Variants in ZMIZ2 observed in about 807,000 individuals in gnomAD.
ZMIZ2 encodes zinc finger MIZ domain-containing protein 2.
ZMIZ2 carries 26 observed loss-of-function variants against 93.9 expected under a neutral mutation model. The ratio of observed to expected loss-of-function variants is 0.28; its 90% CI spans 0.20 to 0.38. The LOEUF is 0.38. Among genes scored for constraint, ZMIZ2 ranks in the 10% least tolerant of loss-of-function variants. The pLI is 1.00. For synonymous variants in ZMIZ2, 485 were observed against 516.4 expected (o/e 0.94, Z 0.82); for missense variants, 1,023 against 1,235.0 (o/e 0.83, Z 2.57).
chr7:44,758,204 G>A (rs929538608), intron 6 of ZMIZ2, 96 bp downstream of exon 6: 1 of 1,421,748 alleles, frequency 7.0e-7, no homozygotes. Context: ...TTCTGGCTGG[G>A]CATGGTGGCT....
Position 44,759,438 on chromosome 7 carries a change from G to C in ZMIZ2, c.971G>C (p.Gly324Ala), listed in dbSNP as rs992110324. 1.3e-6 allele frequency: 2 copies of C among 1,572,724 alleles called. No individual in the cohort carries two copies. Among genetic ancestry groups the C allele is most frequent in the Middle Eastern group, 1.7e-4 (1 of 5,910 alleles). Residue 324 changes from glycine to alanine, a missense_variant, in exon 7 of 19, where the codon GGC (glycine) becomes GCC (alanine). Transcript: ENST00000309315. ...ATGACCCAGTCCCTGTCCGTGCCTG[G>C]CCCCACGGGACTGCATTATAAGGTA... Reference protein sequence around the residue: ...QGMTQSLSVPGPTGLHYKPTE... With the variant: ...QGMTQSLSVPAPTGLHYKPTE...
At chr7:44,760,913 C>T (rs899105988) in intron 9 of ZMIZ2, among the ~76,000 whole-genome samples, 1 of 151,456 alleles carries the variant, frequency 6.6e-6, no homozygotes, top group Non-Finnish European at 1.5e-5. Flanking sequence ...AGTGCCAAGC[C>T]TTCACCTTTT....
Position 44,765,398 on chromosome 7 carries a change from T to C in ZMIZ2, c.2061T>C (p.Pro687=), listed in dbSNP as rs1382566039. The change falls in exon 16 of 19, where the codon CCT becomes CCC. Residue 687 remains proline (P), a synonymous_variant. Transcript: ENST00000309315. The surrounding 1 kb of genome is among the most constrained non-coding windows in gnomAD (Gnocchi z 4.1). ...TCSWKPVPVK[P]DMHIKEEPDG... ...GCTGGAAGCCAGTGCCCGTGAAGCC[T>C]GACATGCACATCAAGGAGGAGCCGG... 1 of 1,612,950 alleles carries C rather than the reference T, an allele frequency of 6.2e-7. No individual in the cohort carries two copies. Among genetic ancestry groups the C allele is most frequent in the Non-Finnish European group, 8.5e-7 (1 of 1,180,000 alleles).
rs996435303 is a variant in ZMIZ2 at position 44,763,082 on chromosome 7, A to G, written c.1702+96A>G. 6.9e-7 allele frequency: 1 copy of G among 1,456,700 alleles called. No individual in the cohort carries two copies. Among genetic ancestry groups the G allele is most frequent in the Admixed American group, 1.9e-5 (1 of 53,780 alleles). The allele number at this position is 1,456,700 out of a possible 1,614,324, so 90.2% of individuals were successfully genotyped here. On this transcript the variant is annotated intron_variant, in intron 12 of 18. Transcript: ENST00000309315. The surrounding 1 kb of genome is among the most constrained non-coding windows in gnomAD (Gnocchi z 5.6). ...CCTTGTGGGCACCTCCTCGTGTCAC[A>G]CCAGGCCTTCTCCTTGGACAGGTGG...
intron 18 of ZMIZ2, 152 bp from the exon 19 acceptor site, chr7:44,767,364 G>C (rs1791819412): frequency 1.4e-6 from 1 of 692,682 alleles, no homozygotes; most frequent in South Asian, 1.8e-5. Flanking sequence ...GCAGGCCTAT[G>C]GTGGGGCCCC....
In ZMIZ2 at chr7:44,765,452, C is replaced by T. The variant is rs1057462138; in HGVS notation, c.2115C>T (p.Thr705=). ...PDGPALKRCR[T]VSPAHVLMPS... is the part of the protein sequence containing the mutation. ...GGCCAGCACTGAAGCGCTGCCGCAC[C>T]GTGAGCCCCGCCCACGTGCTCATGC... Residue 705 remains threonine (T), a synonymous_variant, in exon 16 of 19, where the codon ACC becomes ACT. Coordinates refer to ENST00000309315, the MANE Select transcript of ZMIZ2 (RefSeq NM_031449.4). This position sits in a 1 kb window ranked among gnomAD's most constrained non-coding sequence, Gnocchi z 4.1. The T allele has an allele frequency of 1.9e-6, 3 of 1,606,806 alleles. No homozygotes were observed. Among genetic ancestry groups the T allele is most frequent in the Non-Finnish European group, 2.5e-6 (3 of 1,179,914 alleles).
chr7:44,750,287 CT>C (rs1790023519), intron 1 of ZMIZ2, among the ~76,000 whole-genome samples: 2 of 152,318 alleles, frequency 1.3e-5, no homozygotes, highest in East Asian at 3.9e-4. Context: ...TATTCCTGGA[CT>C]TTTTGATGAA....
intron 9 of ZMIZ2, among the ~76,000 whole-genome samples, chr7:44,760,964 C>T (rs1268220678): frequency 1.3e-5 from 2 of 151,776 alleles, no homozygotes; most frequent in Non-Finnish European, 2.9e-5. Flanking sequence ...GGCTGTGGCT[C>T]TTCTCTCCCC....
chr7:44,762,858 G>T, intron 11 of ZMIZ2, 23 bp from the exon 12 acceptor site: 1 of 1,580,994 alleles, frequency 6.3e-7, no homozygotes, highest in Non-Finnish European at 8.6e-7. Flanking sequence ...TCCCCCTGAT[G>T]ACATCCTCCC....
rs1403882869 is a variant in ZMIZ2, at chr7:44,761,486, T to C, written c.1278T>C (p.Pro426=). The change falls in exon 10 of 19, where the codon CCT becomes CCC. Residue 426 remains proline, a synonymous_variant. Coordinates refer to ENST00000309315, the MANE Select transcript of ZMIZ2 (RefSeq NM_031449.4). This position sits in a 1 kb window ranked among gnomAD's most constrained non-coding sequence, Gnocchi z 5.8. ...GTGACGAGTTGCGGCTGACCTTCCCTGTGCGCGATGGGGTGGTCCTGGAGC... is the reference window on the plus strand; with the variant it reads ...GTGACGAGTTGCGGCTGACCTTCCCCGTGCGCGATGGGGTGGTCCTGGAGC... The part of the protein sequence containing the change: ...GPCDELRLTF[P]VRDGVVLEPF... The C allele has an allele frequency of 6.2e-7, 1 of 1,613,968 alleles. No homozygotes were observed. Among genetic ancestry groups the C allele is most frequent in the Non-Finnish European group, 8.5e-7 (1 of 1,180,024 alleles).
intron 1 of ZMIZ2, among the ~76,000 whole-genome samples, chr7:44,752,722 T>C (rs1325628977): frequency 6.6e-6 from 1 of 152,246 alleles, no homozygotes; most frequent in Non-Finnish European, 1.5e-5. Flanking sequence ...ATCCGGGCTA[T>C]GGATGTACCA....
intron 11 of ZMIZ2, 124 bp from the exon 12 acceptor site, chr7:44,762,755 CTG>C: frequency 1.7e-6 from 1 of 579,984 alleles, no homozygotes; most frequent in Non-Finnish European, 2.7e-6. Context: ...CCAGCTCACC[CTG>C]CCCTCAGCCT....
chr7:44,757,288 C>T (rs749574953), intron 4 of ZMIZ2, 90 bp from the exon 5 acceptor site: 1 of 1,531,526 alleles, frequency 6.5e-7, no homozygotes, highest in Non-Finnish European at 8.7e-7. Context: ...AGAATGGGCT[C>T]CCCCTGGGTG....
At position 44,765,804 on chromosome 7, in the gene ZMIZ2, G is replaced by A; in HGVS notation, c.2242+225G>A. On this transcript the variant is annotated intron_variant, in intron 16 of 18. Coordinates refer to ENST00000309315, the MANE Select transcript of ZMIZ2 (RefSeq NM_031449.4). The surrounding 1 kb of genome is among the most constrained non-coding windows in gnomAD (Gnocchi z 4.1). ...TATGGTCCCAGGAAACAGACAGTGG[G>A]GCCTCCACCCTTCCTTCCCCGTTTG... The A allele has an allele frequency of 3.0e-6, 3 of 995,144 alleles. No homozygotes were observed. The highest frequency in any genetic ancestry group is 4.3e-6 in the Non-Finnish European group (3 of 701,994). 61.6% of individuals were successfully genotyped at this position (995,144 alleles called of 1,614,324 possible).
intron 1 of ZMIZ2, chr7:44,751,201 C>G (rs1239155298): frequency 6.6e-6 from 1 of 152,344 alleles, no homozygotes; most frequent in Non-Finnish European, 1.5e-5. Flanking sequence ...GTGGGCTCCT[C>G]CCCTCCTTGT....
At chr7:44,753,556 T>C (rs1790341436) in intron 1 of ZMIZ2, among the ~76,000 whole-genome samples, 4 of 152,238 alleles carry the variant, frequency 2.6e-5, no homozygotes, top group Non-Finnish European at 5.9e-5. Context: ...GAGAATTCTT[T>C]ATATGTTCTA....
intron 18 of ZMIZ2, 46 bp from the exon 19 acceptor site, chr7:44,767,470 G>A (rs780507264): frequency 3.1e-5 from 46 of 1,474,076 alleles, no homozygotes; most frequent in Non-Finnish European, 4.0e-5. Flanking sequence ...CTCAGGTGTG[G>A]CCAGTCAGTG....
chr7:44,762,783 T>G, intron 11 of ZMIZ2, 98 bp from the exon 12 acceptor site: 15 of 348,490 alleles, frequency 4.3e-5, no homozygotes, highest in Non-Finnish European at 5.5e-5. Context: ...CTCCCCCACC[T>G]GGCAGCCCCT....
intron 1 of ZMIZ2, among the ~76,000 whole-genome samples, chr7:44,752,318 T>G (rs1401319258): frequency 1.3e-5 from 2 of 152,020 alleles, no homozygotes; most frequent in African/African-American, 4.8e-5. Flanking sequence ...AATTCTTATG[T>G]TTTTAGTAGA....
Sources: allele counts gnomAD v4.1 joint callset (sites outside exome capture counted in the v4.1 genomes callset), GRCh38; gene constraint gnomAD v4.1.1; non-coding constraint Gnocchi (gnomAD v3.1); transcripts MANE v1.5; gene names NCBI Gene and HGNC (gene_info 2026-07-23, HGNC 2026-07-21).